RAD50: variants seen among roughly 807,000 people sequenced by gnomAD.
The protein encoded by RAD50 is RAD50 double strand break repair protein.
In RAD50, 132 loss-of-function variants were observed where a neutral mutation model predicts 168.8. That is an observed-to-expected ratio of 0.78 (90% CI 0.68 to 0.90). The LOEUF (loss-of-function observed/expected upper bound fraction) is 0.90, where lower values mean the gene tolerates loss of function less well. RAD50 is among the 40% of genes least tolerant of loss of function. The pLI, the probability that RAD50 is intolerant of heterozygous loss-of-function variation, is 0.00. For synonymous variants in RAD50, 525 were observed against 497.4 expected (o/e 1.06, Z -0.74); for missense variants, 1,347 against 1,534.4 (o/e 0.88, Z 2.04).
intron 21 of RAD50, among the ~76,000 whole-genome samples, chr5:132,625,797 C>T (rs183244489): frequency 6.6e-6 from 1 of 152,278 alleles, no homozygotes; most frequent in East Asian, 1.9e-4. Context: ...CTGTGCCTGG[C>T]TTATTTCACC....
chr5:132,633,751 T>A (rs547923664), intron 21 of RAD50, among the ~76,000 whole-genome samples: 4 of 151,938 alleles, frequency 2.6e-5, no homozygotes, highest in African/African-American at 7.2e-5. Flanking sequence ...AATTTTTAAA[T>A]TTTTTTGTAG....
rs1158993684 is a variant in RAD50 at position 132,638,184 on chromosome 5, A to G, written c.3579A>G (p.Thr1193=). The G allele has an allele frequency of 3.1e-6, 5 of 1,614,122 alleles. No homozygotes were observed. The highest frequency in any genetic ancestry group is 1.7e-5 in the Admixed American group (1 of 60,008). The change falls in exon 23 of 25, where the codon ACA becomes ACG. Residue 1193 remains threonine (T), a synonymous_variant. Coordinates refer to ENST00000378823, the MANE Select transcript of RAD50 (RefSeq NM_005732.4). Reference sequence around the variant, plus strand: ...GAGTGGTGATGCTGAAGGGAGACACAGCCTTGGATATGCGAGGACGATGCA... The same window carrying G: ...GAGTGGTGATGCTGAAGGGAGACACGGCCTTGGATATGCGAGGACGATGCA... ...NYRVVMLKGD[T]ALDMRGRCSA...
In RAD50 at chr5:132,591,401, G is replaced by T. The variant is rs753864663; in HGVS notation, c.1630G>T (p.Asp544Tyr). 6.2e-7 allele frequency: 1 copy of T among 1,612,796 alleles called. No individual in the cohort carries two copies. Among genetic ancestry groups the T allele is most frequent in the East Asian group, 2.2e-5 (1 of 44,838 alleles). ...TRTQMEMLTK[D>Y]KADKDEQIRK... ...TACCCAAATGGAGATGCTGACCAAA[G>T]ACAAAGTATGATTTTTCTTTTTGTT... Residue 544 changes from aspartate (D) to tyrosine (Y), a missense_variant, in exon 10 of 25, where the codon GAC becomes TAC. Transcript: ENST00000378823.
At chr5:132,619,815 CCT>C (rs58174018) in intron 21 of RAD50, among the ~76,000 whole-genome samples, 2,697 of 118,206 alleles carry the variant, frequency 0.023, 132 homozygotes, top group African/African-American at 0.088. Context: ...TCTCTCTACT[CCT>C]CTCTCTCTCT....
intron 12 of RAD50, 147 bp from the exon 13 acceptor site, chr5:132,595,402 CTCTTTGGAAGCGAATATCGGAATT>C: frequency 2.0e-6 from 1 of 502,558 alleles, no homozygotes; most frequent in Non-Finnish European, 3.3e-6. Context: ...ATGTATCATG[CTCTTTGGAAGCGAATATCGGAATT>C]TTAAATATCA....
intron 21 of RAD50, among the ~76,000 whole-genome samples, chr5:132,631,689 C>T (rs75697392): frequency 0.024 from 3,688 of 152,204 alleles, 109 homozygotes; most frequent in African/African-American, 0.077. Flanking sequence ...TTAATTGGGC[C>T]ACTATATGTC....
intron 21 of RAD50, among the ~76,000 whole-genome samples, chr5:132,620,206 C>T (rs898905104): frequency 4.6e-5 from 7 of 152,096 alleles, no homozygotes; most frequent in Non-Finnish European, 7.4e-5. Flanking sequence ...CGCCCTACTT[C>T]TATATTTTTG....
At chr5:132,577,162 G>A (rs766961733) in intron 3 of RAD50, among the ~76,000 whole-genome samples, 6 of 152,104 alleles carry the variant, frequency 3.9e-5, no homozygotes, top group African/African-American at 4.8e-5. Flanking sequence ...TGTTCTTTCC[G>A]TCTTTTAGAG....
At chr5:132,559,390 G>T (rs780718049) in intron 2 of RAD50, 23 bp downstream of exon 2, 1 of 1,587,002 alleles carries the variant, frequency 6.3e-7, no homozygotes, top group Admixed American at 1.7e-5. Flanking sequence ...GTACAATTTT[G>T]TATTTTTATA....
Position 132,588,788 on chromosome 5 carries a change from C to T in RAD50, c.1153C>T (p.Arg385Cys), listed in dbSNP as rs139372231. 8.7e-6 allele frequency: 14 copies of T among 1,613,586 alleles called. No homozygotes were observed. In the African/African-American group the frequency reaches 1.1e-4, roughly 12 times the overall value. The change falls in exon 8 of 25, where the codon CGT becomes TGT. Residue 385 changes from arginine to cysteine, a missense_variant. Around this residue, in one of 3 missense-constraint regions of RAD50, gnomAD observed 703 missense variants for 767.7 expected, o/e 0.92. Transcript: ENST00000378823. ...ACAGCTAGAATTGGATGGCTTTGAG[C>T]GTGGACCATTCAGTGAAAGACAGAT... ...ATQLELDGFE[R>C]GPFSERQIKN...
chr5:132,624,019 A>G (rs1751328025), intron 21 of RAD50, among the ~76,000 whole-genome samples: 1 of 152,260 alleles, frequency 6.6e-6, no homozygotes, highest in Non-Finnish European at 1.5e-5. Flanking sequence ...GAGTGAGCCA[A>G]TTAACATGTT....
chr5:132,642,268 A>G lies in RAD50; in HGVS notation c.3843A>G (p.Glu1281=), dbSNP rs1581025084. 6.2e-7 allele frequency: 1 copy of G among 1,614,018 alleles called. No homozygotes were observed. Among genetic ancestry groups the G allele is most frequent in the Non-Finnish European group, 8.5e-7 (1 of 1,179,896 alleles). The change falls in exon 25 of 25, where the codon GAA becomes GAG. Residue 1281 remains glutamate, a synonymous_variant. Coordinates refer to ENST00000378823, the MANE Select transcript of RAD50 (RefSeq NM_005732.4). ...EDFVELLGRS[E]YVEKFYRIKK... is the part of the protein sequence containing the mutation. Reference sequence around the variant, plus strand: ...TTGTGGAGCTTTTAGGACGTTCTGAATATGTGGAGAAATTCTACAGGATTA... The same window carrying G: ...TTGTGGAGCTTTTAGGACGTTCTGAGTATGTGGAGAAATTCTACAGGATTA...
At chr5:132,633,235 G>T (rs1751509952) in intron 21 of RAD50, among the ~76,000 whole-genome samples, 1 of 151,106 alleles carries the variant, frequency 6.6e-6, no homozygotes, top group Admixed American at 6.6e-5. Context: ...CTCCCGAGTA[G>T]CTGGGACTAC....
At chr5:132,589,147 A>G (rs1750650561) in intron 8 of RAD50, among the ~76,000 whole-genome samples, 1 of 152,232 alleles carries the variant, frequency 6.6e-6, no homozygotes, top group African/African-American at 2.4e-5. Flanking sequence ...ATTTGCTCAC[A>G]GTTAATGATT....
rs1467213227 is a variant in RAD50, at chr5:132,594,974, T to C, written c.1899T>C (p.Cys633=). The C allele has an allele frequency of 1.9e-6, 3 of 1,613,640 alleles. No individual in the cohort carries two copies. The highest frequency in any genetic ancestry group is 8.5e-7 in the Non-Finnish European group (1 of 1,179,530). The change falls in exon 12 of 25, where the codon TGT becomes TGC. Residue 633 remains cysteine (C), a synonymous_variant. Transcript: ENST00000378823. Reference sequence around the variant, plus strand: ...ACGAAGACAAGCTGTTTGATGTTTGTGGTAGCCAGGATTTTGAAAGTGATT... The same window carrying C: ...ACGAAGACAAGCTGTTTGATGTTTGCGGTAGCCAGGATTTTGAAAGTGATT... ...SSYEDKLFDV[C]GSQDFESDLD... is the part of the protein sequence containing the mutation.
At chr5:132,621,913 C>T (rs1581011644) in intron 21 of RAD50, among the ~76,000 whole-genome samples, 1 of 152,044 alleles carries the variant, frequency 6.6e-6, no homozygotes, top group African/African-American at 2.4e-5. Flanking sequence ...ATTTTTCATA[C>T]ATTATCTCTT....
intron 5 of RAD50, 55 bp downstream of exon 5, chr5:132,580,121 C>A (rs1750480969): frequency 7.1e-7 from 1 of 1,405,038 alleles, no homozygotes; most frequent in Non-Finnish European, 1.0e-6. Flanking sequence ...TGGTATACAG[C>A]ATGATGTTTT....
rs143554330 is a variant in RAD50 at position 132,603,979 on chromosome 5, A to G, written c.2457A>G (p.Ile819Met). 9 of 1,612,920 alleles carry G rather than the reference A, an allele frequency of 5.6e-6. No individual in the cohort carries two copies. The Admixed American group carries it at 8.3e-5, about 15-fold the overall frequency. Reference protein sequence around the residue: ...IAQQAAKLQGIDLDRTVQQVN... With the variant: ...IAQQAAKLQGMDLDRTVQQVN... ...AACAAGCAGCTAAGCTACAAGGAAT[A>G]GACTTAGATCGAACTGTCCAACAAG... Residue 819 changes from isoleucine (I) to methionine (M), a missense_variant, in exon 15 of 25, where the codon ATA (isoleucine) becomes ATG (methionine). Physicochemically the swap from Ile to Met is conservative, Grantham distance 10. Coordinates refer to ENST00000378823, the MANE Select transcript of RAD50 (RefSeq NM_005732.4).
intron 2 of RAD50, among the ~76,000 whole-genome samples, chr5:132,565,510 T>C (rs1435208328): frequency 2.0e-5 from 3 of 152,240 alleles, no homozygotes; most frequent in East Asian, 3.9e-4. Flanking sequence ...TTCCATTCTG[T>C]ATACACTTTG....
Sources: allele counts gnomAD v4.1 joint callset (sites outside exome capture counted in the v4.1 genomes callset), GRCh38; gene constraint gnomAD v4.1.1; regional missense constraint gnomAD v4.1.1; transcripts MANE v1.5; gene names NCBI Gene and HGNC (gene_info 2026-07-23, HGNC 2026-07-21).